NOD1: variants seen among roughly 807,000 people sequenced by gnomAD.
NOD1 encodes nucleotide-binding oligomerization domain-containing protein 1.
Under a neutral mutation model 81.2 loss-of-function variants are expected in NOD1, and 70 were observed. The ratio of observed to expected loss-of-function variants is 0.86; its 90% CI spans 0.71 to 1.05. The LOEUF is 1.05. NOD1 is among the 50% of genes least tolerant of loss of function. The pLI, the probability that NOD1 is intolerant of heterozygous loss-of-function variation, is 0.00. For synonymous variants in NOD1, 508 were observed against 526.9 expected (o/e 0.96, Z 0.49); for missense variants, 1,233 against 1,228.0 (o/e 1.00, Z -0.06).
In NOD1 at chr7:30,452,136, C is replaced by T; in HGVS notation, c.1281G>A (p.Leu427=). The change falls in exon 6 of 14, where the codon CTG becomes CTA. Residue 427 remains leucine (L), a synonymous_variant. Transcript: ENST00000222823. The part of the protein sequence containing the change: ...CTMTLTDVFL[L]VTEVHLNRMQ... ...TCCTGTTCAGATGGACCTCAGTGACCAGGAGGAAGACATCTGTCAGGGTCA... is the reference window on the plus strand; with the variant it reads ...TCCTGTTCAGATGGACCTCAGTGACTAGGAGGAAGACATCTGTCAGGGTCA... 6.2e-7 allele frequency: 1 copy of T among 1,613,980 alleles called. No individual in the cohort carries two copies. Among genetic ancestry groups the T allele is most frequent in the Non-Finnish European group, 8.5e-7 (1 of 1,180,032 alleles).
intron 6 of NOD1, among the ~76,000 whole-genome samples, chr7:30,448,861 G>A (rs1785394315): frequency 6.6e-6 from 1 of 152,150 alleles, no homozygotes; most frequent in African/African-American, 2.4e-5. Flanking sequence ...GGTCTCACAA[G>A]AACTGTTATA....
In NOD1 at chr7:30,457,018, G is replaced by GGGCCCCTGCTACTCTGCGC; in HGVS notation, c.-116_-98dup. The GGGCCCCTGCTACTCTGCGC allele has an allele frequency of 1.0e-6, 1 of 975,858 alleles. No individual in the cohort carries two copies. 60.4% of individuals were successfully genotyped at this position (975,858 alleles called of 1,614,324 possible). A position where few individuals can be genotyped will look rare whatever the true frequency, so the allele number is the denominator to read the frequency against. Reference sequence around the variant, plus strand: ...ATCAGGATTCAGGCCGCGCCCTCCAGGGCCCCTGCTACTCTGCGCAGCCCC... The same window carrying GGGCCCCTGCTACTCTGCGC: ...ATCAGGATTCAGGCCGCGCCCTCCAGGGCCCCTGCTACTCTGCGCGGCCCCTGCTACTCTGCGCAGCCCC... On this transcript the variant is annotated 5_prime_UTR_variant, in exon 4 of 14. Coordinates refer to ENST00000222823, the MANE Select transcript of NOD1 (RefSeq NM_006092.4).
chr7:30,438,648 GA>G (rs1350495537), intron 9 of NOD1, among the ~76,000 whole-genome samples: 1 of 152,168 alleles, frequency 6.6e-6, no homozygotes, highest in Non-Finnish European at 1.5e-5. Flanking sequence ...CTGGAACCCA[GA>G]ATAAGAGTTT....
chr7:30,463,283 GA>G (rs923787337), intron 1 of NOD1, among the ~76,000 whole-genome samples: 1 of 152,170 alleles, frequency 6.6e-6, no homozygotes, highest in African/African-American at 2.4e-5. Context: ...TTCTTTTAAG[GA>G]AAGGCAAAAT....
intron 5 of NOD1, among the ~76,000 whole-genome samples, 160 bp from the exon 6 acceptor site, chr7:30,453,200 G>T (rs1311055040): frequency 6.6e-6 from 1 of 152,140 alleles, no homozygotes; most frequent in Non-Finnish European, 1.5e-5. Context: ...AGGACCTGGG[G>T]AGCGTCACAG....
At chr7:30,449,431 T>C (rs1289704485) in intron 6 of NOD1, among the ~76,000 whole-genome samples, 1 of 152,190 alleles carries the variant, frequency 6.6e-6, no homozygotes, top group African/African-American at 2.4e-5. Flanking sequence ...TAAGCAGCAA[T>C]ATAATTAGTA....
Position 30,455,166 on chromosome 7 carries a change from T to C in NOD1, c.347A>G (p.Gln116Arg). The C allele has an allele frequency of 6.2e-7, 1 of 1,614,014 alleles. No individual in the cohort carries two copies. The highest frequency in any genetic ancestry group is 1.1e-5 in the South Asian group (1 of 91,084). The change falls in exon 5 of 14, where the codon CAG (glutamine) becomes CGG (arginine). Residue 116 changes from glutamine to arginine, a missense_variant. Gln to Arg is a conservative substitution (Grantham distance 43, BLOSUM62 1). Coordinates refer to ENST00000222823, the MANE Select transcript of NOD1 (RefSeq NM_006092.4). ...GTCAGTGTTGACCACGACTTTGCTC[T>C]GAGTGAGCAGGGAAGGGGAGAAGCC... ...EIGFSPSLLT[Q>R]SKVVVNTDPV...
At chr7:30,466,889 G>A (rs1157767392) in intron 1 of NOD1, among the ~76,000 whole-genome samples, 1 of 152,182 alleles carries the variant, frequency 6.6e-6, no homozygotes, top group African/African-American at 2.4e-5. Flanking sequence ...GGCAGGACAT[G>A]CACCTTCTTT....
rs1032477794 is a variant in NOD1, at chr7:30,446,086, C to T, written c.2453+55G>A. 31 of 1,304,896 alleles carry T rather than the reference C, an allele frequency of 2.4e-5. 1 individual carries two copies. Among genetic ancestry groups the T allele is most frequent in the South Asian group, 1.6e-4 (13 of 83,192 alleles). 80.8% of individuals were successfully genotyped at this position (1,304,896 alleles called of 1,614,324 possible). On this transcript the variant is annotated intron_variant, in intron 9 of 13. Coordinates refer to ENST00000222823, the MANE Select transcript of NOD1 (RefSeq NM_006092.4). ...GATGTATGAAAAGAACAGCAAGGCCCGCCCCCCACACACACAGCAGGTTGT... is the reference window on the plus strand; with the variant it reads ...GATGTATGAAAAGAACAGCAAGGCCTGCCCCCCACACACACAGCAGGTTGT...
intron 3 of NOD1, among the ~76,000 whole-genome samples, chr7:30,458,350 T>C (rs1355072876): frequency 6.6e-6 from 1 of 151,824 alleles, no homozygotes; most frequent in Non-Finnish European, 1.5e-5. Context: ...GCAGGAAAAC[T>C]CATGCATTTC....
At chr7:30,455,781 T>C (rs184087971) in intron 4 of NOD1, among the ~76,000 whole-genome samples, 3 of 152,234 alleles carry the variant, frequency 2.0e-5, no homozygotes, top group East Asian at 3.9e-4. Flanking sequence ...TTTGTGTTTT[T>C]ATTAGAGACG....
intron 8 of NOD1, chr7:30,446,456 C>T: frequency 1.8e-6 from 1 of 547,394 alleles, no homozygotes; most frequent in Non-Finnish European, 3.3e-6. Context: ...TGCAGAAGCT[C>T]AGGGACCTGA....
intron 11 of NOD1, 118 bp from the exon 12 acceptor site, chr7:30,433,297 T>C: frequency 1.4e-6 from 1 of 736,010 alleles, no homozygotes; most frequent in Admixed American, 2.7e-5. Context: ...GATCACTTGC[T>C]GAGAACCCAG....
chr7:30,469,902 C>G (rs1295640663), intron 1 of NOD1, among the ~76,000 whole-genome samples: 2 of 152,226 alleles, frequency 1.3e-5, no homozygotes, highest in Non-Finnish European at 2.9e-5. Context: ...TCCATCCCCC[C>G]AGCGGGGATG....
chr7:30,450,961 T>G (rs1190159982), intron 6 of NOD1, among the ~76,000 whole-genome samples: 1 of 152,242 alleles, frequency 6.6e-6, no homozygotes, highest in African/African-American at 2.4e-5. Flanking sequence ...GAGCATCTTC[T>G]TTTTCCAGAT....
chr7:30,437,494 C>T (rs565860102), intron 10 of NOD1, 79 bp downstream of exon 10: 30 of 904,194 alleles, frequency 3.3e-5, no homozygotes, highest in Non-Finnish European at 4.3e-5. Context: ...ATTAGGAGCA[C>T]GAATCACCCT....
chr7:30,426,827 G>C (rs1477939885), intron 13 of NOD1, among the ~76,000 whole-genome samples: 3 of 152,038 alleles, frequency 2.0e-5, no homozygotes, highest in Non-Finnish European at 4.4e-5. Context: ...TGCACATGCT[G>C]TTCCCTACGC....
chr7:30,462,088 A>G (rs1458129811), intron 1 of NOD1, among the ~76,000 whole-genome samples: 1 of 152,208 alleles, frequency 6.6e-6, no homozygotes, highest in Non-Finnish European at 1.5e-5. Flanking sequence ...CAACTCAGTG[A>G]GACAGAGGTT....
intron 1 of NOD1, among the ~76,000 whole-genome samples, chr7:30,474,376 A>G (rs952295827): frequency 1.2e-4 from 18 of 152,220 alleles, no homozygotes; most frequent in Non-Finnish European, 5.9e-5. Context: ...GTGGTTAAGT[A>G]TGTTGGTGAA....
Sources: gnomAD v4.1 joint callset for allele counts (sites outside exome capture counted in the v4.1 genomes callset) on GRCh38, gnomAD v4.1.1 for gene constraint, MANE v1.5 for transcripts, NCBI Gene and HGNC (gene_info 2026-07-23, HGNC 2026-07-21) for gene names.